TPCN1: variants seen among roughly 807,000 people sequenced by gnomAD.
The protein encoded by TPCN1 is two pore channel protein 1.
A neutral mutation model predicts 108.8 loss-of-function variants in TPCN1; 52 were observed. The observed-to-expected ratio is 0.48, with a 90% CI of 0.38 to 0.60. TPCN1 has a LOEUF of 0.60. Among genes scored for constraint, TPCN1 ranks in the 20% least tolerant of loss-of-function variants. TPCN1 has a pLI of 0.00. For missense variants in TPCN1, 806 were observed against 1,072.8 expected (o/e 0.75, Z 3.47); for synonymous variants, 446 against 433.7 (o/e 1.03, Z -0.35).
rs77754124 is a variant in TPCN1, at chr12:113,265,316, C to T, written c.238-864C>T. On this transcript the variant is annotated intron_variant, in intron 3 of 27. Coordinates refer to ENST00000335509, the MANE Select transcript of TPCN1 (RefSeq NM_017901.6). ...TTCACAACAGCTCCAGGAGGAAGCA[C>T]TAATGTTAGTTCCTTTATCGTTGAA... is the stretch of plus-strand genomic sequence containing the variant. 5.8e-3 allele frequency among the ~76,000 whole-genome samples: 876 copies of T among 152,310 alleles called. 7 individuals carry two copies. The highest frequency in any genetic ancestry group is 0.035 in the South Asian group (170 of 4,828).
At position 113,289,929 on chromosome 12, in the gene TPCN1, C is replaced by T. The variant is rs1184871671; in HGVS notation, c.1797-199C>T. On this transcript the variant is annotated intron_variant, in intron 21 of 27. Coordinates refer to ENST00000335509, the MANE Select transcript of TPCN1 (RefSeq NM_017901.6). This position sits in a 1 kb window ranked among gnomAD's most constrained non-coding sequence, Gnocchi z 4.1. Reference sequence around the variant, plus strand: ...GGCTGGCCAGGGGATCCCGCCAAGCCCAGCAGGCAGGAATAGCCAAGGGCA... The same window carrying T: ...GGCTGGCCAGGGGATCCCGCCAAGCTCAGCAGGCAGGAATAGCCAAGGGCA... 1.7e-5 allele frequency: 9 copies of T among 527,244 alleles called. No individual in the cohort carries two copies. The highest frequency in any genetic ancestry group is 3.0e-5 in the Non-Finnish European group (9 of 297,468). 32.7% of individuals were successfully genotyped at this position (527,244 alleles called of 1,614,324 possible). A position where few individuals can be genotyped will look rare whatever the true frequency, so the allele number is the denominator to read the frequency against.
rs769394406 is a variant in TPCN1 at position 113,288,751 on chromosome 12, C to T, written c.1707-7C>T. ...CCCCGCGTCACCCTGCCCCTGTCGC[C>T]CCACAGCCTGGGCCTCACCCTGCTC... On this transcript the variant is annotated splice_polypyrimidine_tract_variant and splice_region_variant and intron_variant, in intron 20 of 27. Transcript: ENST00000335509. The surrounding 1 kb of genome is among the most constrained non-coding windows in gnomAD (Gnocchi z 4.8). 1.9e-6 allele frequency: 3 copies of T among 1,611,854 alleles called. No homozygotes were observed. The highest frequency in any genetic ancestry group is 2.5e-6 in the Non-Finnish European group (3 of 1,180,010).
rs767637028 is a variant in TPCN1 at position 113,293,245 on chromosome 12, C to T, written c.2254-24C>T. 5 of 1,613,194 alleles carry T rather than the reference C, an allele frequency of 3.1e-6. No individual in the cohort carries two copies. In the South Asian group the frequency reaches 4.4e-5, roughly 14 times the overall value. On this transcript the variant is annotated intron_variant, in intron 26 of 27. Coordinates refer to ENST00000335509, the MANE Select transcript of TPCN1 (RefSeq NM_017901.6). ...GGGACCTGAATATCTGCAGCCGAGC[C>T]CTGCAGCCTCTGCTCTTCCTTAGCA...
Position 113,244,510 on chromosome 12 carries a change from C to A in TPCN1, c.113-15858C>A, listed in dbSNP as rs901171011. On this transcript the variant is annotated intron_variant, in intron 2 of 27. Transcript: ENST00000335509. ...GGATGTGCATTTTGCTTTCTTTCGG[C>A]GTAGCATCTCATGCTAGATTTTTAT... is the stretch of plus-strand genomic sequence containing the variant. 15 of 985,288 alleles carry A rather than the reference C, an allele frequency of 1.5e-5. No individual in the cohort carries two copies. In the African/African-American group the frequency reaches 2.3e-4, roughly 15 times the overall value. The allele number at this position is 985,288 out of a possible 1,614,324, so 61.0% of individuals were successfully genotyped here.
chr12:113,236,313 C>A (rs894516615), intron 2 of TPCN1, among the ~76,000 whole-genome samples: 1 of 152,166 alleles, frequency 6.6e-6, no homozygotes, highest in African/African-American at 2.4e-5. Context: ...TCTCCCACCC[C>A]CCGGCACCCC....
chr12:113,268,617 G>T lies in TPCN1; in HGVS notation c.529-125G>T. The T allele has an allele frequency of 1.6e-6, 2 of 1,227,882 alleles. No individual in the cohort carries two copies. Among genetic ancestry groups the T allele is most frequent in the Non-Finnish European group, 2.3e-6 (2 of 880,418 alleles). 76.1% of individuals were successfully genotyped at this position (1,227,882 alleles called of 1,614,324 possible). A position where few individuals can be genotyped will look rare whatever the true frequency, so the allele number is the denominator to read the frequency against. Reference sequence around the variant, plus strand: ...TGATGTTGGCAGGAAGTGTGAGAGGGCTGGAGAGAGGAGAAGGCCTCCCGA... The same window carrying T: ...TGATGTTGGCAGGAAGTGTGAGAGGTCTGGAGAGAGGAGAAGGCCTCCCGA... On this transcript the variant is annotated intron_variant, in intron 5 of 27. Coordinates refer to ENST00000335509, the MANE Select transcript of TPCN1 (RefSeq NM_017901.6). The surrounding 1 kb of genome is among the most constrained non-coding windows in gnomAD (Gnocchi z 7.3).
chr12:113,227,117 G>A (rs1047701766), intron 2 of TPCN1, among the ~76,000 whole-genome samples, 153 bp downstream of exon 2: 4 of 152,200 alleles, frequency 2.6e-5, no homozygotes, highest in Non-Finnish European at 5.9e-5. Context: ...CTACTCCTGG[G>A]AGGCTGTGTG....
chr12:113,236,325 T>A (rs1953892526), intron 2 of TPCN1, among the ~76,000 whole-genome samples: 1 of 152,150 alleles, frequency 6.6e-6, no homozygotes, highest in Non-Finnish European at 1.5e-5. Flanking sequence ...CGGCACCCCA[T>A]GTTTGTTACC....
rs77303274 is a variant in TPCN1 at position 113,272,122 on chromosome 12, G to A, written c.749-536G>A. On this transcript the variant is annotated intron_variant, in intron 7 of 27. Coordinates refer to ENST00000335509, the MANE Select transcript of TPCN1 (RefSeq NM_017901.6). This position sits in a 1 kb window ranked among gnomAD's most constrained non-coding sequence, Gnocchi z 4.1. ...TGTTTGTGCTTCTCCGGGGGTAGGG[G>A]CTGATTTCCCCTGAGGGCAGAGTTC... 0.012 allele frequency among the ~76,000 whole-genome samples: 1,815 copies of A among 152,300 alleles called. 68 individuals are homozygous for A. In the East Asian group the frequency reaches 0.15, roughly 12 times the overall value.
In TPCN1 at chr12:113,284,021, T is replaced by C. The variant is rs1266443706; in HGVS notation, c.1343-560T>C. Among the ~76,000 whole-genome samples the C allele has an allele frequency of 6.6e-6, 1 of 152,166 alleles. No homozygotes were observed. Reference sequence around the variant, plus strand: ...AGTATGCCAGTTTATGAATGTATCGTAGTCTGTTCAACCAGTCCCCTACTG... The same window carrying C: ...AGTATGCCAGTTTATGAATGTATCGCAGTCTGTTCAACCAGTCCCCTACTG... On this transcript the variant is annotated intron_variant, in intron 15 of 27. Transcript: ENST00000335509. This position sits in a 1 kb window ranked among gnomAD's most constrained non-coding sequence, Gnocchi z 4.1.
intron 2 of TPCN1, among the ~76,000 whole-genome samples, chr12:113,256,536 AT>A (rs1260391650): frequency 2.0e-5 from 3 of 152,220 alleles, no homozygotes; most frequent in Non-Finnish European, 2.9e-5. Context: ...ACATCGAGGT[AT>A]TGATGTGAAA....
intron 7 of TPCN1, among the ~76,000 whole-genome samples, chr12:113,271,355 T>C (rs1955492444): frequency 6.6e-6 from 1 of 152,168 alleles, no homozygotes; most frequent in Admixed American, 6.5e-5. Flanking sequence ...AGAAATAAAA[T>C]GGAAGGCATG....
chr12:113,287,048 G>C lies in TPCN1; in HGVS notation c.1588G>C (p.Glu530Gln). 1 of 1,613,928 alleles carries C rather than the reference G, an allele frequency of 6.2e-7. No individual in the cohort carries two copies. The highest frequency in any genetic ancestry group is 8.5e-7 in the Non-Finnish European group (1 of 1,179,992). The change falls in exon 19 of 28, where the codon GAG becomes CAG. Residue 530 changes from glutamate (E) to glutamine (Q), a missense_variant. Physicochemically the swap from Glu to Gln is conservative, Grantham distance 29. Transcript: ENST00000335509. Reference sequence around the variant, plus strand: ...ACTGCTGGCGCTGGCCCTCAACATGGAGCCCTTCTATTTCATCGTGGTCCT... The same window carrying C: ...ACTGCTGGCGCTGGCCCTCAACATGCAGCCCTTCTATTTCATCGTGGTCCT... ...LGLLALALNM[E>Q]PFYFIVVLRP...
chr12:113,285,946 C>T lies in TPCN1; in HGVS notation c.1511C>T (p.Ser504Phe). ...VAGLGPVEYLSSGWNLFDFSV... is the reference protein window; with the variant it reads ...VAGLGPVEYLFSGWNLFDFSV... ...GGCCTGGGCCCTGTGGAGTACTTGT[C>T]TTCCGGATGGAACTTGTGAGTGGAC... Residue 504 changes from serine (S) to phenylalanine (F), a missense_variant, in exon 18 of 28, where the codon TCT becomes TTT. Physicochemically the swap from Ser to Phe is radical, Grantham distance 155 (BLOSUM62 -2). Coordinates refer to ENST00000335509, the MANE Select transcript of TPCN1 (RefSeq NM_017901.6). 1 of 1,614,172 alleles carries T rather than the reference C, an allele frequency of 6.2e-7. No individual in the cohort carries two copies. The highest frequency in any genetic ancestry group is 8.5e-7 in the Non-Finnish European group (1 of 1,180,000).
rs1366108041 is a variant in TPCN1 at position 113,296,046 on chromosome 12, C to T, written c.2421C>T (p.Gly807=). 6.2e-7 allele frequency: 1 copy of T among 1,613,272 alleles called. No homozygotes were observed. The highest frequency in any genetic ancestry group is 1.7e-5 in the Admixed American group (1 of 60,014). ...SAAPAAQQPP[G]SRQRSQTVT Reference sequence around the variant, plus strand: ...CCCCCGCCGCCCAGCAGCCCCCAGGCAGCCGCCAGCGCTCCCAGACCGTTA... The same window carrying T: ...CCCCCGCCGCCCAGCAGCCCCCAGGTAGCCGCCAGCGCTCCCAGACCGTTA... Residue 807 remains glycine, a synonymous_variant, in exon 28 of 28, where the codon GGC becomes GGT. Transcript: ENST00000335509.
intron 2 of TPCN1, among the ~76,000 whole-genome samples, chr12:113,227,194 G>T (rs564397363): frequency 8.5e-5 from 13 of 152,254 alleles, no homozygotes; most frequent in Admixed American, 3.3e-4. Flanking sequence ...TGGTGCCCTC[G>T]CTACCTTCTC....
chr12:113,266,255 A>C lies in TPCN1; in HGVS notation c.313A>C (p.Asn105His). 1 of 1,613,938 alleles carries C rather than the reference A, an allele frequency of 6.2e-7. No individual in the cohort carries two copies. The highest frequency in any genetic ancestry group is 8.5e-7 in the Non-Finnish European group (1 of 1,180,002). ...KALAAYLFAH[N>H]HLFYLMELAT... ...GCTGGCGGCCTACCTCTTTGCACAC[A>C]ATCACCTCTTCTACCTGATGGAGCT... Residue 105 changes from asparagine to histidine, a missense_variant, in exon 4 of 28, where the codon AAT (asparagine) becomes CAT (histidine). Asn to His is a moderately conservative substitution (Grantham distance 68). Coordinates refer to ENST00000335509, the MANE Select transcript of TPCN1 (RefSeq NM_017901.6). The surrounding 1 kb of genome is among the most constrained non-coding windows in gnomAD (Gnocchi z 4.2).
In TPCN1 at chr12:113,289,911, C is replaced by A; in HGVS notation, c.1797-217C>A. On this transcript the variant is annotated intron_variant, in intron 21 of 27. Transcript: ENST00000335509. The surrounding 1 kb of genome is among the most constrained non-coding windows in gnomAD (Gnocchi z 4.1). The stretch of plus-strand genomic sequence containing the variant: ...GGTGACAGAGGTGGGTCAGGCTGGC[C>A]AGGGGATCCCGCCAAGCCCAGCAGG... 2 of 511,384 alleles carry A rather than the reference C, an allele frequency of 3.9e-6. No homozygotes were observed. The highest frequency in any genetic ancestry group is 6.9e-6 in the Non-Finnish European group (2 of 287,912). 31.7% of individuals were successfully genotyped at this position (511,384 alleles called of 1,614,324 possible).
intron 2 of TPCN1, among the ~76,000 whole-genome samples, chr12:113,235,702 G>A (rs890729148): frequency 4.6e-5 from 7 of 152,266 alleles, no homozygotes; most frequent in African/African-American, 1.4e-4. Flanking sequence ...AGTGAGATGA[G>A]TATAGAACAT....
Sources: allele counts gnomAD v4.1 joint callset (sites outside exome capture counted in the v4.1 genomes callset), GRCh38; gene constraint gnomAD v4.1.1; non-coding constraint Gnocchi (gnomAD v3.1); transcripts MANE v1.5; gene names NCBI Gene and HGNC (gene_info 2026-07-23, HGNC 2026-07-21).